KALRN: variants seen among roughly 807,000 people sequenced by gnomAD.
KALRN encodes the protein kalirin RhoGEF kinase.
A neutral mutation model predicts 353.7 loss-of-function variants in KALRN; 70 were observed. The ratio of observed to expected loss-of-function variants is 0.20; its 90% confidence interval spans 0.16 to 0.24. The LOEUF is 0.24. Ranked by LOEUF, KALRN falls within the 10% of genes least tolerant of loss-of-function variation. KALRN has a pLI of 1.00. For synonymous variants in KALRN, 1,391 were observed against 1,434.8 expected (o/e 0.97, Z 0.69); for missense variants, 2,791 against 3,756.7 (o/e 0.74, Z 6.72).
chr3:124,218,176 A>G (rs1054102926), intron 1 of KALRN, among the ~76,000 whole-genome samples: 6 of 152,212 alleles, frequency 3.9e-5, no homozygotes, highest in Non-Finnish European at 8.8e-5. Context: ...TTTCATATTT[A>G]GATACCTGCC....
rs1370862355 is a variant in KALRN at position 124,660,988 on chromosome 3, T to C, written c.6267+15T>C. The C allele has an allele frequency of 3.2e-6, 5 of 1,577,332 alleles. No homozygotes were observed. In the South Asian group the frequency reaches 4.4e-5, roughly 14 times the overall value. ...CAGATATTGAGGTGAGTTTTCTGCT[T>C]GTAATGCTTGCTGTTCTTAGGGACC... On this transcript the variant is annotated intron_variant, in intron 44 of 59. Transcript: ENST00000682506.
chr3:124,538,277 T>A (rs952785137), intron 33 of KALRN, among the ~76,000 whole-genome samples: 5 of 151,592 alleles, frequency 3.3e-5, no homozygotes, highest in Non-Finnish European at 5.9e-5. Flanking sequence ...TGTGTGTGTG[T>A]ATGTATGTGT....
intron 10 of KALRN, among the ~76,000 whole-genome samples, chr3:124,369,545 A>G (rs2085531329): frequency 6.6e-6 from 1 of 152,224 alleles, no homozygotes; most frequent in Non-Finnish European, 1.5e-5. Context: ...ATTGAAGAAT[A>G]ATGTATAGCT....
intron 34 of KALRN, among the ~76,000 whole-genome samples, chr3:124,596,707 C>T (rs1364708974): frequency 6.6e-6 from 1 of 152,132 alleles, no homozygotes; most frequent in Non-Finnish European, 1.5e-5. Flanking sequence ...TCACTTGCAC[C>T]TGGCCTGTGG....
intron 33 of KALRN, among the ~76,000 whole-genome samples, chr3:124,522,548 G>GT (rs2067251438): frequency 6.6e-6 from 1 of 152,088 alleles, no homozygotes; most frequent in Non-Finnish European, 1.5e-5. Context: ...TTCCCTTTTT[G>GT]TGGGGCACTA....
intron 13 of KALRN, among the ~76,000 whole-genome samples, chr3:124,404,177 C>G (rs1310149156): frequency 9.6e-6 from 1 of 103,640 alleles, no homozygotes; most frequent in South Asian, 3.0e-4. Flanking sequence ...AAAGAGAGAA[C>G]TAGTCTGCTC....
chr3:124,196,579 C>T (rs2075454153), intron 1 of KALRN, among the ~76,000 whole-genome samples: 2 of 152,096 alleles, frequency 1.3e-5, no homozygotes, highest in Non-Finnish European at 2.9e-5. Flanking sequence ...AAGTAGTTTC[C>T]TATTCTTCTT....
At chr3:124,225,680 C>T (rs1388516154) in intron 1 of KALRN, among the ~76,000 whole-genome samples, 1 of 152,172 alleles carries the variant, frequency 6.6e-6, no homozygotes, top group Non-Finnish European at 1.5e-5. Flanking sequence ...CTTCCTCTTC[C>T]TCTCCAAGGA....
intron 10 of KALRN, among the ~76,000 whole-genome samples, chr3:124,358,155 C>T (rs906185376): frequency 6.6e-6 from 1 of 152,096 alleles, no homozygotes; most frequent in African/African-American, 2.4e-5. Context: ...TGAGTGAGTT[C>T]TTTGGACTCT....
In KALRN at chr3:124,256,020, T is replaced by C. The variant is rs78920738; in HGVS notation, c.264-8478T>C. ...ATGTAGAAGAAAGATCAGGAAAGAA[T>C]AGAAGGTAGCATTTGAATTTAACCC... On this transcript the variant is annotated intron_variant, in intron 3 of 59. Coordinates refer to ENST00000682506, the MANE Select transcript of KALRN (RefSeq NM_001388419.1). Among the ~76,000 whole-genome samples the C allele has an allele frequency of 0.035, 5,316 of 152,220 alleles. 671 individuals are homozygous for C. The East Asian group carries it at 0.45, about 13-fold the overall frequency.
At chr3:124,676,117 A>G (rs1164007492) in intron 49 of KALRN, among the ~76,000 whole-genome samples, 1 of 152,224 alleles carries the variant, frequency 6.6e-6, no homozygotes, top group East Asian at 1.9e-4. Flanking sequence ...TTAATGATTT[A>G]TCCTCTAAAT....
chr3:124,637,627 C>A (rs943068892), intron 37 of KALRN, among the ~76,000 whole-genome samples: 1 of 152,164 alleles, frequency 6.6e-6, no homozygotes, highest in African/African-American at 2.4e-5. Context: ...ATTTGGTTAG[C>A]CCAGAAGCTA....
chr3:124,329,269 C>T (rs566521197), intron 7 of KALRN, among the ~76,000 whole-genome samples: 1 of 152,326 alleles, frequency 6.6e-6, no homozygotes, highest in South Asian at 2.1e-4. Context: ...CACAGCCTGT[C>T]CCCCTAGACT....
In KALRN at chr3:124,666,632, A is replaced by G. The variant is rs2085660281; in HGVS notation, c.6529A>G (p.Lys2177Glu). 3 of 1,613,534 alleles carry G rather than the reference A, an allele frequency of 1.9e-6. No individual in the cohort carries two copies. The Admixed American group carries it at 5.0e-5, about 27-fold the overall frequency. Residue 2177 changes from lysine to glutamate, a missense_variant and splice_region_variant, in exon 46 of 60, where the codon AAG becomes GAG. Physicochemically the swap from Lys to Glu is moderately conservative, Grantham distance 56 (BLOSUM62 1). Around this residue, in one of 11 missense-constraint regions of KALRN, gnomAD observed 1,065 missense variants for 1,156.4 expected, o/e 0.92. Transcript: ENST00000682506. ...TGGCTACATGTTCAAAAGGAGCATCAAGGTGAGGATCCCAATGGTGATGAG... is the reference window on the plus strand; with the variant it reads ...TGGCTACATGTTCAAAAGGAGCATCGAGGTGAGGATCCCAATGGTGATGAG... Reference protein sequence around the residue: ...TPGYMFKRSIKMNYLVLEENV... With the variant: ...TPGYMFKRSIEMNYLVLEENV...
chr3:124,264,998 C>T (rs1474470707), intron 4 of KALRN, among the ~76,000 whole-genome samples: 1 of 152,190 alleles, frequency 6.6e-6, no homozygotes, highest in Non-Finnish European at 1.5e-5. Flanking sequence ...GAGTTTATAT[C>T]CATTGATGTA....
Position 124,250,001 on chromosome 3 carries a change from G to A in KALRN, c.264-14497G>A, listed in dbSNP as rs904268588. 5.3e-5 allele frequency among the ~76,000 whole-genome samples: 8 copies of A among 152,264 alleles called. No individual in the cohort carries two copies. In the East Asian group the frequency reaches 5.8e-4, roughly 11 times the overall value. On this transcript the variant is annotated intron_variant, in intron 3 of 59. Coordinates refer to ENST00000682506, the MANE Select transcript of KALRN (RefSeq NM_001388419.1). ...GCAGGCTAGCTAGAGGGTAACAGCC[G>A]CCTGCCCTGCAGGAAATAGAGCTCC...
At chr3:124,406,009 C>G (rs1173590695) in intron 13 of KALRN, among the ~76,000 whole-genome samples, 1 of 152,138 alleles carries the variant, frequency 6.6e-6, no homozygotes, top group African/African-American at 2.4e-5. Flanking sequence ...TAAAAATAAT[C>G]CAATTATCCA....
chr3:124,664,748 T>G (rs973844295), intron 45 of KALRN, among the ~76,000 whole-genome samples: 5 of 152,194 alleles, frequency 3.3e-5, no homozygotes, highest in African/African-American at 1.2e-4. Flanking sequence ...TGTCTCTTGT[T>G]TTTGTCAAGC....
chr3:124,212,576 A>C (rs2150519440), intron 1 of KALRN, among the ~76,000 whole-genome samples: 1 of 151,892 alleles, frequency 6.6e-6, no homozygotes, highest in Non-Finnish European at 1.5e-5. Context: ...ATTGCATGAA[A>C]CCCCTTGTTT....
Sources: allele counts gnomAD v4.1 joint callset (sites outside exome capture counted in the v4.1 genomes callset), GRCh38; gene constraint gnomAD v4.1.1; regional missense constraint gnomAD v4.1.1; transcripts MANE v1.5; gene names NCBI Gene and HGNC (gene_info 2026-07-23, HGNC 2026-07-21).